Variants in ADAMTSL2 observed in about 807,000 individuals in gnomAD.
ADAMTSL2 encodes the protein ADAMTS-like protein 2.
In ADAMTSL2, 55 loss-of-function variants were observed where a neutral mutation model predicts 117.0. The observed-to-expected ratio is 0.47, with a 90% CI of 0.38 to 0.59. The LOEUF is 0.59. Among genes scored for constraint, ADAMTSL2 ranks in the 20% least tolerant of loss-of-function variants. ADAMTSL2 has a pLI of 0.00. For missense variants in ADAMTSL2, 1,182 were observed against 1,354.5 expected (o/e 0.87, Z 2.00); for synonymous variants, 572 against 566.4 (o/e 1.01, Z -0.14).
intron 12 of ADAMTSL2, 96 bp from the exon 13 acceptor site, chr9:133,566,840 T>C: frequency 6.7e-7 from 1 of 1,496,750 alleles, no homozygotes; most frequent in South Asian, 1.2e-5. Context: ...AAAGCTGAGC[T>C]GAGAGGTCAG....
chr9:133,537,673 C>G (rs1830085499), intron 3 of ADAMTSL2, 126 bp downstream of exon 3: 4 of 1,093,420 alleles, frequency 3.7e-6, no homozygotes, highest in African/African-American at 3.2e-5. Context: ...GGGGGCAGCA[C>G]AGGCTGAGTC....
In ADAMTSL2 at chr9:133,570,034, A is replaced by C. The variant is rs369969450; in HGVS notation, c.2416-297A>C. On this transcript the variant is annotated intron_variant, in intron 16 of 18. Transcript: ENST00000651351. ...AGCTCCCGGCAGGTCACTAAACCGG[A>C]TAATCTCGAGCCAAATTGTTTTCTG... Among the ~76,000 whole-genome samples the C allele has an allele frequency of 7.5e-3, 1,140 of 152,356 alleles. 11 individuals are homozygous for C. Among genetic ancestry groups the C allele is most frequent in the African/African-American group, 0.026 (1,092 of 41,570 alleles).
intron 8 of ADAMTSL2, among the ~76,000 whole-genome samples, chr9:133,545,034 G>T (rs981440476): frequency 6.6e-6 from 1 of 152,196 alleles, no homozygotes; most frequent in Non-Finnish European, 1.5e-5. Context: ...GGCTGTAGGA[G>T]GGGAGTCCTC....
At position 133,547,160 on chromosome 9, in the gene ADAMTSL2, G is replaced by A. The variant is rs1830370070; in HGVS notation, c.886G>A (p.Gly296Arg). The A allele has an allele frequency of 6.2e-7, 1 of 1,614,136 alleles. No homozygotes were observed. Among genetic ancestry groups the A allele is most frequent in the Non-Finnish European group, 8.5e-7 (1 of 1,180,016 alleles). ...YRRPMDVYET[G>R]IEYIVAQGPT... The stretch of plus-strand genomic sequence containing the variant: ...GCGGCCCATGGATGTCTATGAGACC[G>A]GAATCGAGTACATCGTGGCACAGGG... The change falls in exon 9 of 19, where the codon GGA becomes AGA. Residue 296 changes from glycine to arginine, a missense_variant. By Grantham distance (125) the Gly-to-Arg change is moderately radical (BLOSUM62 -2). Coordinates refer to ENST00000651351, the MANE Select transcript of ADAMTSL2 (RefSeq NM_014694.4).
In ADAMTSL2 at chr9:133,554,659, C is replaced by G. The variant is rs199582731; in HGVS notation, c.1242C>G (p.Ala414=). ...TGTGCGAGCAGGCCGGCGGCGGGGC[C>G]TGCGAGGGGCCCCCCAGGGGCAAGG... ...NEVCEQAGGG[A]CEGPPRGKGF... is the part of the protein sequence containing the mutation. Residue 414 remains alanine, a synonymous_variant, in exon 10 of 19, where the codon GCC becomes GCG. Transcript: ENST00000651351. This position sits in a 1 kb window ranked among gnomAD's most constrained non-coding sequence, Gnocchi z 5.2. The G allele has an allele frequency of 2.8e-5, 42 of 1,520,082 alleles. No homozygotes were observed. The highest frequency in any genetic ancestry group is 3.7e-5 in the Non-Finnish European group (42 of 1,129,012). The allele number at this position is 1,520,082 out of a possible 1,614,324, so 94.2% of individuals were successfully genotyped here.
At position 133,573,976 on chromosome 9, in the gene ADAMTSL2, C is replaced by T. The variant is rs1311176990; in HGVS notation, c.2726C>T (p.Thr909Met). Residue 909 changes from threonine to methionine, a missense_variant, in exon 18 of 19, where the codon ACG (threonine) becomes ATG (methionine). Physicochemically the swap from Thr to Met is moderately conservative, Grantham distance 81 (BLOSUM62 -1). This residue lies in a region of ADAMTSL2 where 465 missense variants were observed against 565.3 expected (regional missense o/e 0.82). Transcript: ENST00000651351. ...RQACDLQPCP[T>M]EPPDDSCQDQ... ...GCCTGTGATCTGCAGCCCTGCCCCA[C>T]GGAGCCCCCAGGTGAGGCGCGGGGA... 1.2e-5 allele frequency: 19 copies of T among 1,613,402 alleles called. No individual in the cohort carries two copies. Among genetic ancestry groups the T allele is most frequent in the East Asian group, 8.9e-5 (4 of 44,874 alleles).
intron 16 of ADAMTSL2, 38 bp from the exon 17 acceptor site, chr9:133,570,293 G>T (rs1831073635): frequency 9.8e-6 from 15 of 1,535,586 alleles, no homozygotes; most frequent in Non-Finnish European, 1.7e-6. Context: ...GTCCTGCTGG[G>T]CCCTGGCGCT....
Position 133,568,495 on chromosome 9 carries a change from C to T in ADAMTSL2, c.2088+9C>T. ...TGTCGGAGTGGTCCGAGGTGAGTGC[C>T]TGCGGGAGCAAGCCGGGGGTCGGGA... On this transcript the variant is annotated intron_variant, in intron 14 of 18. Transcript: ENST00000651351. The T allele has an allele frequency of 6.3e-7, 1 of 1,596,172 alleles. No individual in the cohort carries two copies. Among genetic ancestry groups the T allele is most frequent in the South Asian group, 1.1e-5 (1 of 88,522 alleles).
chr9:133,574,658 TG>T, intron 18 of ADAMTSL2, 87 bp from the exon 19 acceptor site: 1 of 1,158,192 alleles, frequency 8.6e-7, no homozygotes, highest in Non-Finnish European at 1.3e-6. Context: ...CCACTGCCCC[TG>T]GAAAACGGCA....
intron 12 of ADAMTSL2, among the ~76,000 whole-genome samples, chr9:133,563,858 A>G (rs1588302083): frequency 1.4e-5 from 1 of 71,804 alleles, no homozygotes; most frequent in Non-Finnish European, 2.9e-5. Flanking sequence ...AGAGAGAGAG[A>G]GAGAGGGAGA....
intron 12 of ADAMTSL2, among the ~76,000 whole-genome samples, chr9:133,562,123 C>A (rs1447159206): frequency 6.6e-6 from 1 of 152,248 alleles, no homozygotes; most frequent in Non-Finnish European, 1.5e-5. Context: ...CCCAGTGCCA[C>A]CCATTTGCCA....
At chr9:133,543,661 G>A (rs575317214) in intron 7 of ADAMTSL2, among the ~76,000 whole-genome samples, 6 of 152,348 alleles carry the variant, frequency 3.9e-5, no homozygotes, top group Admixed American at 3.3e-4. Context: ...AGATGCACGC[G>A]GAATCCTCCG....
chr9:133,574,256 G>A (rs1831176969), intron 18 of ADAMTSL2, among the ~76,000 whole-genome samples: 1 of 152,202 alleles, frequency 6.6e-6, no homozygotes, highest in African/African-American at 2.4e-5. Flanking sequence ...TGGGAAAAGG[G>A]TCAGCTTCAG....
chr9:133,561,660 A>G (rs1433307629), intron 12 of ADAMTSL2, among the ~76,000 whole-genome samples: 7 of 152,232 alleles, frequency 4.6e-5, no homozygotes, highest in Non-Finnish European at 8.8e-5. Flanking sequence ...TGCTTCCAGC[A>G]AACATAGGAA....
rs1830756166 is a variant in ADAMTSL2, at chr9:133,562,537, CCCGGCTCG to C, written c.1747+1244_1747+1251del. On this transcript the variant is annotated intron_variant, in intron 12 of 18. Transcript: ENST00000651351. Reference sequence around the variant, plus strand: ...GCGGCGTGGCGGGCACCCGGCTGGGCCCGGCTCGCACCGCCGTGGGCGGCGTGGCGGGC... The same window carrying C: ...GCGGCGTGGCGGGCACCCGGCTGGGCCACCGCCGTGGGCGGCGTGGCGGGC... Among the ~76,000 whole-genome samples the C allele has an allele frequency of 9.8e-3, 1,168 of 118,672 alleles. 152 individuals carry two copies. The highest frequency in any genetic ancestry group is 0.012 in the African/African-American group (358 of 30,246). The allele number at this position is 118,672 out of a possible 152,430, so 77.9% of individuals were successfully genotyped here. A position where few individuals can be genotyped will look rare whatever the true frequency, so the allele number is the denominator to read the frequency against.
At chr9:133,570,262 G>A (rs1230679039) in intron 16 of ADAMTSL2, 69 bp from the exon 17 acceptor site, 15 of 1,510,754 alleles carry the variant, frequency 9.9e-6, no homozygotes, top group East Asian at 4.9e-5. Context: ...CACCAGAGTC[G>A]CCGTGGGCCC....
chr9:133,547,300 T>G, intron 9 of ADAMTSL2, 87 bp downstream of exon 9: 1 of 1,399,452 alleles, frequency 7.1e-7, no homozygotes, highest in African/African-American at 1.4e-5. Context: ...TTCCAGCCCG[T>G]GACGCCCCCA....
chr9:133,574,782 C>A lies in ADAMTSL2; in HGVS notation c.2774C>A (p.Ala925Asp). 1 of 1,613,720 alleles carries A rather than the reference C, an allele frequency of 6.2e-7. No individual in the cohort carries two copies. The highest frequency in any genetic ancestry group is 8.5e-7 in the Non-Finnish European group (1 of 1,179,928). Residue 925 changes from alanine to aspartate, a missense_variant, in exon 19 of 19, where the codon GCC becomes GAC. Ala to Asp is a moderately radical substitution (Grantham distance 126). Transcript: ENST00000651351. ...SCQDQPGTNCALAIKVNLCGH... is the reference protein window; with the variant it reads ...SCQDQPGTNCDLAIKVNLCGH... ...CAGGACCAGCCAGGCACCAACTGTG[C>A]CCTGGCCATCAAAGTGAACCTCTGC...
In ADAMTSL2 at chr9:133,561,258, C is replaced by G; in HGVS notation, c.1710C>G (p.Leu570=). 1.9e-6 allele frequency: 3 copies of G among 1,606,304 alleles called. No homozygotes were observed. Among genetic ancestry groups the G allele is most frequent in the Non-Finnish European group, 2.5e-6 (3 of 1,176,976 alleles). Residue 570 remains leucine, a synonymous_variant, in exon 12 of 19, where the codon CTC becomes CTG. Transcript: ENST00000651351. The part of the protein sequence containing the change: ...VSPADMYRWK[L]SSHEPCSATC... ...CCGCGGACATGTACCGGTGGAAGCT[C>G]TCGTCCCACGAGCCCTGCAGTGCCA...
Sources: allele counts gnomAD v4.1 joint callset (sites outside exome capture counted in the v4.1 genomes callset), GRCh38; gene constraint gnomAD v4.1.1; regional missense constraint gnomAD v4.1.1; non-coding constraint Gnocchi (gnomAD v3.1); transcripts MANE v1.5; gene names NCBI Gene and HGNC (gene_info 2026-07-23, HGNC 2026-07-21).